The following GSDMC variants were observed in gnomAD, a reference collection of about 807,000 sequenced individuals.
GSDMC encodes gasdermin-C.
In GSDMC, 59 loss-of-function variants were observed where a neutral mutation model predicts 58.0. The ratio of observed to expected loss-of-function variants is 1.02; its 90% CI spans 0.82 to 1.26. The LOEUF (loss-of-function observed/expected upper bound fraction) is 1.26. Ranked by LOEUF, GSDMC falls within the 50% of genes most tolerant of loss-of-function variation. The pLI, the probability that GSDMC is intolerant of heterozygous loss-of-function variation, is 0.00. For synonymous variants in GSDMC, 241 were observed against 220.2 expected (o/e 1.09, Z -0.83); for missense variants, 659 against 598.5 (o/e 1.10, Z -1.06).
At position 129,748,581 on chromosome 8, in the gene GSDMC, T is replaced by C; in HGVS notation, c.1447A>G (p.Thr483Ala). The part of the protein sequence containing the change: ...LRMELDNPRS[T>A]WDVEAKMPLS... ...GGCATCTTTGCTTCTACATCCCAGG[T>C]TGACCTGGGGTTATCCAGCTCCATC... Residue 483 changes from threonine to alanine, a missense_variant, in exon 14 of 14, where the codon ACC (threonine) becomes GCC (alanine). Transcript: ENST00000276708. 6.2e-7 allele frequency: 1 copy of C among 1,613,780 alleles called. No individual in the cohort carries two copies. The highest frequency in any genetic ancestry group is 8.5e-7 in the Non-Finnish European group (1 of 1,179,814).
chr8:129,730,408 A>G, the GSDMC span: 403 of 1,174,478 alleles, frequency 3.4e-4, 4 homozygotes, highest in East Asian at 0.011. Flanking sequence ...TATGCTGATT[A>G]TGAATCTTTA....
At chr8:129,725,158 T>G in the GSDMC span, among the ~76,000 whole-genome samples, 2 of 152,182 alleles carry the variant, frequency 1.3e-5, no homozygotes, top group African/African-American at 4.8e-5. Flanking sequence ...CCTCTCTCCA[T>G]CAAGTATCTT....
At chr8:129,710,927 G>A in the GSDMC span, among the ~76,000 whole-genome samples, 1 of 152,166 alleles carries the variant, frequency 6.6e-6, no homozygotes, top group Non-Finnish European at 1.5e-5. Context: ...CAGGCAGAGG[G>A]AAAATCTGCT....
intron 6 of GSDMC, among the ~76,000 whole-genome samples, chr8:129,755,290 C>T (rs1357417797): frequency 1.3e-5 from 2 of 152,056 alleles, no homozygotes; most frequent in South Asian, 2.1e-4. Context: ...GGAAACCTTA[C>T]AGGCCAGGAG....
chr8:129,784,393 T>C (rs1009695926), intron 1 of GSDMC, among the ~76,000 whole-genome samples: 2 of 151,450 alleles, frequency 1.3e-5, no homozygotes, highest in African/African-American at 4.9e-5. Flanking sequence ...CACAACTCTA[T>C]AGGAAAAAAA....
At chr8:129,709,816 C>T in the GSDMC span, among the ~76,000 whole-genome samples, 5 of 152,194 alleles carry the variant, frequency 3.3e-5, no homozygotes, top group African/African-American at 4.8e-5. Flanking sequence ...CAATCTCTTT[C>T]CTACAATAAG....
chr8:129,710,104 C>A, the GSDMC span, among the ~76,000 whole-genome samples: 1 of 152,040 alleles, frequency 6.6e-6, no homozygotes, highest in Non-Finnish European at 1.5e-5. Context: ...CTATTTTTTT[C>A]TTCTCTTCAT....
chr8:129,718,457 T>C, the GSDMC span, among the ~76,000 whole-genome samples: 1 of 152,124 alleles, frequency 6.6e-6, no homozygotes, highest in Admixed American at 6.5e-5. Flanking sequence ...ATTAGAGAAA[T>C]GCAAATCAAA....
the GSDMC span, among the ~76,000 whole-genome samples, chr8:129,718,328 G>GA: frequency 6.6e-6 from 1 of 151,956 alleles, no homozygotes; most frequent in Non-Finnish European, 1.5e-5. Context: ...AAATTTACAA[G>GA]AAAAAAACAA....
At chr8:129,746,073 C>A (rs928830832), downstream of GSDMC, among the ~76,000 whole-genome samples, 1 of 151,876 alleles carries the variant, frequency 6.6e-6, no homozygotes, top group Non-Finnish European at 1.5e-5. Flanking sequence ...GAGCATGGTG[C>A]GGGGTAGGGG....
At chr8:129,717,019 C>A in the GSDMC span, among the ~76,000 whole-genome samples, 2 of 152,076 alleles carry the variant, frequency 1.3e-5, no homozygotes, top group Non-Finnish European at 2.9e-5. Flanking sequence ...TTCGGTTTGC[C>A]AGTATTTTAT....
rs368659842 is a variant in GSDMC at position 129,766,025 on chromosome 8, G to A, written c.405-232C>T. On this transcript the variant is annotated intron_variant, in intron 3 of 13. Transcript: ENST00000276708. Reference sequence around the variant, plus strand: ...AGAGTATATGTACCATATTGTTAAAGGCATCTGCATTTTACTAAATTATAC... The same window carrying A: ...AGAGTATATGTACCATATTGTTAAAAGCATCTGCATTTTACTAAATTATAC... Among the ~76,000 whole-genome samples, 6 of 152,234 alleles carry A rather than the reference G, an allele frequency of 3.9e-5. No homozygotes were observed. In the East Asian group the frequency reaches 5.8e-4, roughly 15 times the overall value.
chr8:129,716,237 A>T, the GSDMC span, among the ~76,000 whole-genome samples: 1 of 152,234 alleles, frequency 6.6e-6, no homozygotes, highest in African/African-American at 2.4e-5. Flanking sequence ...AAAAAGCAAG[A>T]CACAATCATA....
chr8:129,763,291 G>A (rs564654070), intron 4 of GSDMC, among the ~76,000 whole-genome samples: 206 of 152,268 alleles, frequency 1.4e-3, no homozygotes, highest in African/African-American at 4.8e-3. Flanking sequence ...TTCTTGGCTG[G>A]AATTCTCTGG....
intron 1 of GSDMC, among the ~76,000 whole-genome samples, chr8:129,782,741 T>C (rs1389276945): frequency 6.6e-6 from 1 of 152,070 alleles, no homozygotes; most frequent in East Asian, 1.9e-4. Flanking sequence ...AATAAAAGCC[T>C]GGGACCCAGT....
At chr8:129,785,624 C>T (rs966055446) in intron 1 of GSDMC, among the ~76,000 whole-genome samples, 1 of 151,886 alleles carries the variant, frequency 6.6e-6, no homozygotes, top group Non-Finnish European at 1.5e-5. Context: ...GACTTCCTAA[C>T]TACATGGAAT....
At chr8:129,779,330 A>G (rs1356613432) in intron 1 of GSDMC, among the ~76,000 whole-genome samples, 1 of 152,200 alleles carries the variant, frequency 6.6e-6, no homozygotes, top group African/African-American at 2.4e-5. Context: ...CAGCCATTAC[A>G]CTTAGTAAAC....
intron 4 of GSDMC, among the ~76,000 whole-genome samples, chr8:129,765,199 C>G (rs1706942507): frequency 6.6e-6 from 1 of 152,142 alleles, no homozygotes. Context: ...TCTGATCTCA[C>G]TCCTTGAAAT....
At chr8:129,732,289 T>TAAA in the GSDMC span, among the ~76,000 whole-genome samples, 6 of 140,816 alleles carry the variant, frequency 4.3e-5, no homozygotes, top group South Asian at 2.2e-4. Flanking sequence ...CTTTATAAAT[T>TAAA]AAAAAAAAAA....
Sources: gnomAD v4.1 joint callset for allele counts (sites outside exome capture counted in the v4.1 genomes callset) on GRCh38, gnomAD v4.1.1 for gene constraint, MANE v1.5 for transcripts, NCBI Gene and HGNC (gene_info 2026-07-23, HGNC 2026-07-21) for gene names.